Variants in SULT6B1 observed in about 807,000 individuals in gnomAD.
SULT6B1 encodes the protein sulfotransferase family 6B member 1, also known as sulfotransferase 6B1.
In SULT6B1, 44 loss-of-function variants were observed where a neutral mutation model predicts 37.2. The ratio of observed to expected loss-of-function variants is 1.18; its 90% CI spans 0.93 to 1.52. The LOEUF (loss-of-function observed/expected upper bound fraction) is 1.52. SULT6B1 is among the 40% of genes most tolerant of loss of function. The pLI is 0.00. For missense variants in SULT6B1, 450 were observed against 361.0 expected, an observed-to-expected ratio of 1.25 and a Z score of -2.00; for synonymous variants, 140 against 126.0, an observed-to-expected ratio of 1.11 and a Z score of -0.74.
In SULT6B1 at chr2:37,175,154, A is replaced by G. The variant is rs750688933; in HGVS notation, c.602T>C (p.Ile201Thr). 2.3e-5 allele frequency: 36 copies of G among 1,552,740 alleles called. No homozygotes were observed. Among genetic ancestry groups the G allele is most frequent in the Non-Finnish European group, 3.0e-5 (34 of 1,147,536 alleles). ...KHLDGDNVKF[I>T]LYEDLKENLA... is the part of the protein sequence containing the mutation. Reference sequence around the variant, plus strand: ...CACCTCTTTCAGGTCTTCATATAATATGAACTTAACATTGTCGCCATCAAG... The same window carrying G: ...CACCTCTTTCAGGTCTTCATATAATGTGAACTTAACATTGTCGCCATCAAG... The change falls in exon 5 of 7, where the codon ATA (isoleucine) becomes ACA (threonine). Residue 201 changes from isoleucine to threonine, a missense_variant. By Grantham distance (89) the Ile-to-Thr change is moderately conservative. Transcript: ENST00000535679.
At chr2:37,191,948 G>A (rs1676788744), upstream of SULT6B1, among the ~76,000 whole-genome samples, 1 of 152,180 alleles carries the variant, frequency 6.6e-6, no homozygotes, top group Non-Finnish European at 1.5e-5. Flanking sequence ...CCCTCATGCA[G>A]ACACCATTGC....
At chr2:37,195,636 T>C (rs1391468670) in intron 1 of SULT6B1, among the ~76,000 whole-genome samples, 2 of 152,220 alleles carry the variant, frequency 1.3e-5, no homozygotes, top group Non-Finnish European at 2.9e-5. Flanking sequence ...GACTAGAACT[T>C]CGATGAAGGT....
Position 37,171,548 on chromosome 2 carries a change from A to G in SULT6B1, c.667T>C (p.Phe223Leu), listed in dbSNP as rs1299380931. 1.2e-6 allele frequency: 2 copies of G among 1,614,040 alleles called. No homozygotes were observed. The highest frequency in any genetic ancestry group is 1.7e-6 in the Non-Finnish European group (2 of 1,180,012). ...GIKQIAEFLG[F>L]FLTGEQIQTI... ...TGAATTTGCTCCCCAGTTAGAAAGA[A>G]TCCCAAGAACTCAGCAATCTGTTTT... Residue 223 changes from phenylalanine to leucine, a missense_variant, in exon 6 of 7, where the codon TTC becomes CTC. Phe to Leu is a conservative substitution (Grantham distance 22). Transcript: ENST00000535679.
intron 5 of SULT6B1, among the ~76,000 whole-genome samples, chr2:37,174,766 G>T (rs1676377314): frequency 6.8e-6 from 1 of 148,114 alleles, no homozygotes; most frequent in Non-Finnish European, 1.5e-5. Context: ...CTAGATATTT[G>T]TTACATCAAT....
At position 37,188,553 on chromosome 2, in the gene SULT6B1, A is replaced by G; in HGVS notation, c.88T>C (p.Tyr30His). The G allele has an allele frequency of 6.2e-7, 1 of 1,611,164 alleles. No individual in the cohort carries two copies. The highest frequency in any genetic ancestry group is 1.1e-5 in the South Asian group (1 of 91,006). The part of the protein sequence containing the change: ...ETALSHLFFT[Y>H]QGIPYPITMC... ...GTGATGGGGTAAGGAATCCCCTGAT[A>G]GGTGAAAAATAAATGAGAGAGTGCA... The change falls in exon 1 of 7, where the codon TAT becomes CAT. Residue 30 changes from tyrosine to histidine, a missense_variant. Physicochemically the swap from Tyr to His is moderately conservative, Grantham distance 83. Coordinates refer to ENST00000535679, the MANE Select transcript of SULT6B1 (RefSeq NM_001367551.1).
intron 2 of SULT6B1, among the ~76,000 whole-genome samples, chr2:37,183,948 T>C (rs1391638683): frequency 6.6e-6 from 1 of 152,222 alleles, no homozygotes; most frequent in African/African-American, 2.4e-5. Context: ...CCGGCCAATT[T>C]TTCTTTATTT....
intron 3 of SULT6B1, among the ~76,000 whole-genome samples, chr2:37,180,816 G>A (rs1475413711): frequency 3.3e-5 from 5 of 152,108 alleles, no homozygotes; most frequent in African/African-American, 7.2e-5. Flanking sequence ...CCTAGGAGAC[G>A]GAGGTTGTCA....
At chr2:37,191,512 G>A (rs181372394), upstream of SULT6B1, among the ~76,000 whole-genome samples, 369 of 152,302 alleles carry the variant, frequency 2.4e-3, 5 homozygotes, top group Non-Finnish European at 9.3e-4. Flanking sequence ...ACGAGCAGGA[G>A]GCAGAGGATC....
chr2:37,177,554 T>C lies in SULT6B1; in HGVS notation c.529+1904A>G, dbSNP rs553982806. On this transcript the variant is annotated intron_variant, in intron 4 of 6. Coordinates refer to ENST00000535679, the MANE Select transcript of SULT6B1 (RefSeq NM_001367551.1). Reference sequence around the variant, plus strand: ...TACAGGGATGGGGAAGGGCAGAAAATAGGGAGACAGAAGTCAAAAGGTACA... The same window carrying C: ...TACAGGGATGGGGAAGGGCAGAAAACAGGGAGACAGAAGTCAAAAGGTACA... Among the ~76,000 whole-genome samples the C allele has an allele frequency of 4.0e-5, 6 of 150,572 alleles. No individual in the cohort carries two copies. The South Asian group carries it at 1.3e-3, about 32-fold the overall frequency.
At chr2:37,189,827 G>A (rs1187006335), upstream of SULT6B1, 1 of 152,218 alleles carries the variant, frequency 6.6e-6, no homozygotes, top group Non-Finnish European at 1.5e-5. Flanking sequence ...GTGTGGCCCT[G>A]TGGCTAAAAC....
chr2:37,188,705 T>C (rs888147327), upstream of SULT6B1: 3 of 627,326 alleles, frequency 4.8e-6, no homozygotes, highest in East Asian at 2.9e-5. Flanking sequence ...TTTAATGGAG[T>C]TGGGCAGGGG....
chr2:37,186,310 G>A (rs1021062266), intron 2 of SULT6B1, among the ~76,000 whole-genome samples: 5 of 152,150 alleles, frequency 3.3e-5, no homozygotes, highest in Admixed American at 6.5e-5. Context: ...CTGCATTCTG[G>A]TGTGTCTAGG....
intron 2 of SULT6B1, among the ~76,000 whole-genome samples, chr2:37,184,767 T>G (rs187578581): frequency 6.6e-6 from 1 of 151,594 alleles, no homozygotes; most frequent in Non-Finnish European, 1.5e-5. Context: ...GGGAGGCGGA[T>G]GTTGCGGTGA....
rs557121815 is a variant in SULT6B1 at position 37,171,111 on chromosome 2, C to T, written c.781+323G>A. Reference sequence around the variant, plus strand: ...AAAATTAACTGGGTGTGGTGGCACGCGCCTGTTAGTCCCAGCTACTCGGGA... The same window carrying T: ...AAAATTAACTGGGTGTGGTGGCACGTGCCTGTTAGTCCCAGCTACTCGGGA... On this transcript the variant is annotated intron_variant, in intron 6 of 6. Transcript: ENST00000535679. Among the ~76,000 whole-genome samples the T allele has an allele frequency of 1.2e-4, 18 of 152,154 alleles. No individual in the cohort carries two copies. The East Asian group carries it at 2.7e-3, about 23-fold the overall frequency.
At chr2:37,189,148 A>G (rs1446209860), upstream of SULT6B1, among the ~76,000 whole-genome samples, 1 of 152,214 alleles carries the variant, frequency 6.6e-6, no homozygotes, top group African/African-American at 2.4e-5. Flanking sequence ...CTGGCTCAAT[A>G]GATACACAAG....
chr2:37,193,230 C>T (rs551031696), upstream of SULT6B1, among the ~76,000 whole-genome samples: 143 of 147,610 alleles, frequency 9.7e-4, no homozygotes, highest in South Asian at 2.6e-3. Flanking sequence ...CTGAGGCAGG[C>T]GGATTGCTTG....
At chr2:37,183,942 C>A (rs1676615088) in intron 2 of SULT6B1, among the ~76,000 whole-genome samples, 1 of 152,154 alleles carries the variant, frequency 6.6e-6, no homozygotes, top group South Asian at 2.1e-4. Context: ...CTGCACCCGG[C>A]CAATTTTTCT....
chr2:37,182,774 A>C (rs1045430291), intron 3 of SULT6B1, among the ~76,000 whole-genome samples: 4 of 152,248 alleles, frequency 2.6e-5, no homozygotes, highest in African/African-American at 9.6e-5. Flanking sequence ...TACAAGAAAT[A>C]TATCAATACT....
chr2:37,182,067 A>G (rs754534005), intron 3 of SULT6B1, among the ~76,000 whole-genome samples: 1 of 152,060 alleles, frequency 6.6e-6, no homozygotes, highest in Non-Finnish European at 1.5e-5. Context: ...CACAGCCACA[A>G]AGCTGCTCAT....
Sources: gnomAD v4.1 joint callset for allele counts (sites outside exome capture counted in the v4.1 genomes callset) on GRCh38, gnomAD v4.1.1 for gene constraint, MANE v1.5 for transcripts, NCBI Gene and HGNC (gene_info 2026-07-23, HGNC 2026-07-21) for gene names.